ACO1: variants seen among roughly 807,000 people sequenced by gnomAD.
The protein encoded by ACO1 is aconitase 1.
A neutral mutation model predicts 105.1 loss-of-function variants in ACO1; 78 were observed. That is an observed-to-expected ratio of 0.74 (90% CI 0.62 to 0.90). The LOEUF is 0.90. Among genes scored for constraint, ACO1 ranks in the 40% least tolerant of loss-of-function variants. The pLI, the probability that ACO1 is intolerant of heterozygous loss-of-function variation, is 0.00. For missense variants in ACO1, 965 were observed against 1,111.1 expected, an observed-to-expected ratio of 0.87 and a Z score of 1.87; for synonymous variants, 364 against 397.4, an observed-to-expected ratio of 0.92 and a Z score of 1.00.
intron 18 of ACO1, among the ~76,000 whole-genome samples, chr9:32,438,692 A>T (rs12238573): frequency 0.03 from 4,625 of 152,310 alleles, 211 homozygotes; most frequent in East Asian, 0.24. Flanking sequence ...CCAGTGAAAC[A>T]TGTCTTAAAT....
At chr9:32,394,739 A>G (rs1255573380) in intron 1 of ACO1, among the ~76,000 whole-genome samples, 1 of 152,212 alleles carries the variant, frequency 6.6e-6, no homozygotes, top group Non-Finnish European at 1.5e-5. Context: ...GAATGTGCTG[A>G]TCAGAAATAG....
rs73477393 is a variant in ACO1 at position 32,431,730 on chromosome 9, A to C, written c.1738A>C (p.Lys580Gln). The C allele has an allele frequency of 7.7e-4, 1,240 of 1,614,098 alleles. 7 individuals carry two copies. The African/African-American group carries it at 0.015, about 19-fold the overall frequency. ...CATTTTTTCCCCAGGAGTAAATGCA[A>C]AGGGACAGCAGGTATTTCTGAAAGA... is the stretch of plus-strand genomic sequence containing the variant. ...FEKEPLGVNA[K>Q]GQQVFLKDIW... Residue 580 changes from lysine (K) to glutamine (Q), a missense_variant, in exon 15 of 21, where the codon AAG becomes CAG. By Grantham distance (53) the Lys-to-Gln change is moderately conservative. Transcript: ENST00000309951.
In ACO1 at chr9:32,436,332, C is replaced by T. The variant is rs748369667; in HGVS notation, c.2182C>T (p.Arg728Cys). 6 of 1,614,072 alleles carry T rather than the reference C, an allele frequency of 3.7e-6. No homozygotes were observed. The highest frequency in any genetic ancestry group is 3.3e-5 in the South Asian group (3 of 91,086). Residue 728 changes from arginine (R) to cysteine (C), a missense_variant, in exon 18 of 21, where the codon CGC becomes TGC. Coordinates refer to ENST00000309951, the MANE Select transcript of ACO1 (RefSeq NM_002197.3). ...GGCACGGGGAACATTTGCCAACATT[C>T]GCTTGTTAAACAGATTTTTGAACAA... ...VMARGTFANI[R>C]LLNRFLNKQA...
At chr9:32,424,725 G>T in intron 10 of ACO1, 60 bp downstream of exon 10, 1 of 1,164,870 alleles carries the variant, frequency 8.6e-7, no homozygotes. Flanking sequence ...TGGTTACTCA[G>T]CGTCCAGGCT....
chr9:32,393,389 A>G (rs2118343034), intron 1 of ACO1, among the ~76,000 whole-genome samples: 1 of 152,196 alleles, frequency 6.6e-6, no homozygotes, highest in East Asian at 1.9e-4. Context: ...GGACGAGGAA[A>G]TTCCCTCCTA....
At chr9:32,391,673 C>A (rs1362996572) in intron 1 of ACO1, among the ~76,000 whole-genome samples, 1 of 152,204 alleles carries the variant, frequency 6.6e-6, no homozygotes, top group Non-Finnish European at 1.5e-5. Context: ...TATTCAACAT[C>A]CTTGTCATCC....
chr9:32,409,574 C>T (rs892167562), intron 4 of ACO1, among the ~76,000 whole-genome samples: 11 of 152,122 alleles, frequency 7.2e-5, no homozygotes, highest in Admixed American at 1.3e-4. Context: ...TCGTTGGCCA[C>T]GTGCAGTGGC....
At chr9:32,407,003 C>T (rs966032601) in intron 2 of ACO1, among the ~76,000 whole-genome samples, 1 of 152,056 alleles carries the variant, frequency 6.6e-6, no homozygotes, top group African/African-American at 2.4e-5. Flanking sequence ...AGGATGGTCT[C>T]GATCTCTTGA....
At chr9:32,404,078 G>T (rs146414659) in intron 1 of ACO1, among the ~76,000 whole-genome samples, 2 of 152,032 alleles carry the variant, frequency 1.3e-5, no homozygotes, top group East Asian at 3.9e-4. Context: ...TTATTTATAG[G>T]GCTTTCCCCT....
intron 4 of ACO1, among the ~76,000 whole-genome samples, chr9:32,409,261 G>C (rs1054786455): frequency 2.6e-5 from 4 of 152,162 alleles, no homozygotes; most frequent in African/African-American, 9.7e-5. Context: ...TCCTGAGTGG[G>C]CCTGTAGCCC....
At chr9:32,407,137 TA>T (rs1462344796) in intron 2 of ACO1, 123 bp from the exon 3 acceptor site, 3 of 891,476 alleles carry the variant, frequency 3.4e-6, no homozygotes, top group Non-Finnish European at 5.3e-6. Flanking sequence ...TTGGTCACTT[TA>T]CCCTCTTTCC....
rs545982690 is a variant in ACO1 at position 32,419,091 on chromosome 9, G to A, written c.712G>A (p.Val238Met). 6.2e-7 allele frequency: 1 copy of A among 1,609,776 alleles called. No homozygotes were observed. The highest frequency in any genetic ancestry group is 8.5e-7 in the Non-Finnish European group (1 of 1,177,886). The change falls in exon 7 of 21, where the codon GTG becomes ATG. Residue 238 changes from valine to methionine, a missense_variant. Transcript: ENST00000309951. ...AVMLGQPISM[V>M]LPQVIGYRLM... Reference sequence around the variant, plus strand: ...CATGCTGGGTCAGCCAATCAGTATGGTGCTTCCTCAGGTGATTGGCTACAG... The same window carrying A: ...CATGCTGGGTCAGCCAATCAGTATGATGCTTCCTCAGGTGATTGGCTACAG...
chr9:32,444,054 G>A (rs368617222), intron 19 of ACO1, among the ~76,000 whole-genome samples: 1 of 131,702 alleles, frequency 7.6e-6, no homozygotes, highest in Non-Finnish European at 1.7e-5. Context: ...CCCACTTATG[G>A]GTGAGAACAT....
intron 19 of ACO1, among the ~76,000 whole-genome samples, chr9:32,447,286 T>C (rs1387159526): frequency 6.6e-6 from 1 of 152,212 alleles, no homozygotes; most frequent in Non-Finnish European, 1.5e-5. Context: ...TTTTCTCTAA[T>C]CTTTTCTTAT....
intron 6 of ACO1, among the ~76,000 whole-genome samples, chr9:32,418,770 T>G (rs1359548785): frequency 6.6e-6 from 1 of 152,086 alleles, no homozygotes; most frequent in Non-Finnish European, 1.5e-5. Flanking sequence ...GTGTTAAAAA[T>G]AGAGACTCCC....
chr9:32,428,475 G>A (rs1822149844), intron 12 of ACO1, among the ~76,000 whole-genome samples: 1 of 151,734 alleles, frequency 6.6e-6, no homozygotes, highest in Non-Finnish European at 1.5e-5. Flanking sequence ...CCTTCCTGAG[G>A]CTGTTCTACA....
chr9:32,426,004 G>T lies in ACO1; in HGVS notation c.1348+7G>T. The T allele has an allele frequency of 6.2e-7, 1 of 1,612,690 alleles. No individual in the cohort carries two copies. Among genetic ancestry groups the T allele is most frequent in the Non-Finnish European group, 8.5e-7 (1 of 1,179,138 alleles). ...TCTGTGATGTTAGGGGCAGGTAAGT[G>T]CATTTGACTCCATCCTCATGGTCAT... On this transcript the variant is annotated splice_region_variant and intron_variant, in intron 11 of 20. Coordinates refer to ENST00000309951, the MANE Select transcript of ACO1 (RefSeq NM_002197.3).
chr9:32,395,966 G>A (rs1821364700), intron 1 of ACO1, among the ~76,000 whole-genome samples: 1 of 152,226 alleles, frequency 6.6e-6, no homozygotes, highest in South Asian at 2.1e-4. Flanking sequence ...CCCAGAACTA[G>A]GGGAGCCCTC....
intron 7 of ACO1, among the ~76,000 whole-genome samples, chr9:32,420,607 C>CT (rs1472253610): frequency 6.6e-6 from 1 of 152,202 alleles, no homozygotes; most frequent in Non-Finnish European, 1.5e-5. Context: ...GTGTGGTACT[C>CT]TTAACTACAG....
Sources: gnomAD v4.1 joint callset for allele counts (sites outside exome capture counted in the v4.1 genomes callset) on GRCh38, gnomAD v4.1.1 for gene constraint, MANE v1.5 for transcripts, NCBI Gene and HGNC (gene_info 2026-07-23, HGNC 2026-07-21) for gene names.